UGP2: variants seen among roughly 807,000 people sequenced by gnomAD.
UGP2 encodes UDP-glucose pyrophosphorylase 2, also known as UTP--glucose-1-phosphate uridylyltransferase.
A neutral mutation model predicts 49.0 loss-of-function variants in UGP2; 40 were observed. That is an observed-to-expected ratio of 0.82 (90% CI 0.63 to 1.06). UGP2 has a LOEUF of 1.06. UGP2 is among the 50% of genes least tolerant of loss of function. UGP2 has a pLI of 0.00. For synonymous variants in UGP2, 225 were observed against 213.0 expected, an observed-to-expected ratio of 1.06 and a Z score of -0.49; for missense variants, 460 against 603.5, an observed-to-expected ratio of 0.76 and a Z score of 2.49.
chr2:63,845,939 C>CT, intron 1 of UGP2: 1 of 152,230 alleles, frequency 6.6e-6, no homozygotes, highest in East Asian at 1.9e-4. Context: ...CAGGAGAGTT[C>CT]TTAGTATATA....
intron 6 of UGP2, 32 bp from the exon 7 acceptor site, chr2:63,886,309 G>T (rs1038191052): frequency 6.2e-7 from 1 of 1,603,806 alleles, no homozygotes; most frequent in Non-Finnish European, 8.5e-7. Context: ...TGAGACTGAT[G>T]TGGAGGCACT....
At chr2:63,869,486 G>A (rs1259033506) in intron 3 of UGP2, among the ~76,000 whole-genome samples, 1 of 152,132 alleles carries the variant, frequency 6.6e-6, no homozygotes, top group Non-Finnish European at 1.5e-5. Flanking sequence ...TTTATTTGTA[G>A]TAATTGGTCA....
intron 3 of UGP2, among the ~76,000 whole-genome samples, chr2:63,873,391 G>A (rs1283701419): frequency 6.6e-6 from 1 of 152,088 alleles, no homozygotes; most frequent in African/African-American, 2.4e-5. Flanking sequence ...ATTTTCACTG[G>A]GAAATGAATG....
At chr2:63,874,544 T>C (rs889038573) in intron 3 of UGP2, among the ~76,000 whole-genome samples, 7 of 152,154 alleles carry the variant, frequency 4.6e-5, no homozygotes, top group Non-Finnish European at 1.0e-4. Context: ...GAGTATGGTG[T>C]TTCATAGGTC....
In UGP2 at chr2:63,887,589, A is replaced by C. The variant is rs1232536041; in HGVS notation, c.1259A>C (p.Glu420Ala). The change falls in exon 8 of 10, where the codon GAA becomes GCA. Residue 420 changes from glutamate (E) to alanine (A), a missense_variant. Physicochemically the swap from Glu to Ala is moderately radical, Grantham distance 107. Around this residue, in one of 2 missense-constraint regions of UGP2, gnomAD observed 317 missense variants for 473.0 expected, o/e 0.67. Transcript: ENST00000337130. ...AATGCAGGATCTCTGACAATGAGTGAAAAGCGGGAATTTCCTACAGTGCCC... is the reference window on the plus strand; with the variant it reads ...AATGCAGGATCTCTGACAATGAGTGCAAAGCGGGAATTTCCTACAGTGCCC... Reference protein sequence around the residue: ...SLNAGSLTMSEKREFPTVPLV... With the variant: ...SLNAGSLTMSAKREFPTVPLV... 2 of 1,614,182 alleles carry C rather than the reference A, an allele frequency of 1.2e-6. No homozygotes were observed. Among genetic ancestry groups the C allele is most frequent in the Non-Finnish European group, 1.7e-6 (2 of 1,180,012 alleles).
At chr2:63,852,066 C>A (rs1319101977) in intron 1 of UGP2, among the ~76,000 whole-genome samples, 2 of 152,196 alleles carry the variant, frequency 1.3e-5, no homozygotes, top group African/African-American at 4.8e-5. Flanking sequence ...AATCATATTA[C>A]ATTTTATGCT....
chr2:63,842,613 G>A, intron 1 of UGP2: 2 of 1,448,108 alleles, frequency 1.4e-6, no homozygotes, highest in Non-Finnish European at 1.8e-6. Flanking sequence ...GGTTTTGCCG[G>A]GACTGTTGGG....
At chr2:63,865,238 T>C (rs530839134) in intron 3 of UGP2, among the ~76,000 whole-genome samples, 1 of 152,304 alleles carries the variant, frequency 6.6e-6, no homozygotes, top group South Asian at 2.1e-4. Context: ...TTCCCAAATT[T>C]TCCCGTAGAA....
chr2:63,885,294 C>T (rs12713498), intron 5 of UGP2, among the ~76,000 whole-genome samples: 110,265 of 151,898 alleles, frequency 0.73, 40,652 homozygotes, highest in East Asian at 0.91. Flanking sequence ...TTACTTGATA[C>T]ATCCCTTCTT....
intron 9 of UGP2, 91 bp downstream of exon 9, chr2:63,890,276 C>G: frequency 1.1e-6 from 1 of 930,304 alleles, no homozygotes; most frequent in South Asian, 1.8e-5. Context: ...TTAAGGAATA[C>G]TTGTTAGTCT....
At chr2:63,858,888 G>GC (rs571118040) in intron 3 of UGP2, among the ~76,000 whole-genome samples, 18 of 40,866 alleles carry the variant, frequency 4.4e-4, no homozygotes, top group South Asian at 7.2e-4. Context: ...ACACCCCCCC[G>GC]CCCCCCCGAA....
At chr2:63,885,545 C>T (rs1671616678) in intron 5 of UGP2, 44 bp from the exon 6 acceptor site, 3 of 1,435,838 alleles carry the variant, frequency 2.1e-6, no homozygotes, top group Non-Finnish European at 2.8e-6. Flanking sequence ...GCCTGAAATG[C>T]TCTACAGGGT....
Position 63,891,191 on chromosome 2 carries a change from GA to G in UGP2, c.1492del (p.Ile498LeufsTer20). 1.9e-6 allele frequency: 3 copies of G among 1,613,812 alleles called. No individual in the cohort carries two copies. The highest frequency in any genetic ancestry group is 2.5e-6 in the Non-Finnish European group (3 of 1,179,856). On this transcript the variant is annotated frameshift_variant, in exon 10 of 10. Transcript: ENST00000337130. LOFTEE classifies it high-confidence loss of function. ...IPPGAVLENK[I>X]VSGNLRILDH ...CACCTGGAGCAGTATTAGAGAACAA[GA>G]TTGTGTCTGGAAACCTTCGCATCTT...
intron 3 of UGP2, among the ~76,000 whole-genome samples, chr2:63,858,363 T>A (rs1381209229): frequency 1.3e-5 from 2 of 152,242 alleles, no homozygotes; most frequent in Non-Finnish European, 2.9e-5. Context: ...ACTCATTAAT[T>A]TATATACTAT....
intron 3 of UGP2, among the ~76,000 whole-genome samples, chr2:63,881,923 A>G (rs1671343844): frequency 6.6e-6 from 1 of 152,244 alleles, no homozygotes; most frequent in South Asian, 2.1e-4. Context: ...TTTGACAAAA[A>G]GTCTATGCTA....
intron 3 of UGP2, among the ~76,000 whole-genome samples, chr2:63,867,735 A>C (rs1487064078): frequency 6.6e-6 from 1 of 152,204 alleles, no homozygotes; most frequent in Non-Finnish European, 1.5e-5. Context: ...TGAATAATTT[A>C]ATACTTTGTT....
At chr2:63,886,010 A>C (rs994028303) in intron 6 of UGP2, 124 bp downstream of exon 6, 2 of 1,116,216 alleles carry the variant, frequency 1.8e-6, no homozygotes, top group Middle Eastern at 2.1e-4. Context: ...TCTGTTTGAC[A>C]TAATAGTATG....
intron 3 of UGP2, among the ~76,000 whole-genome samples, chr2:63,865,343 A>G (rs780013492): frequency 6.6e-6 from 1 of 152,182 alleles, no homozygotes; most frequent in African/African-American, 2.4e-5. Context: ...GAAGGAATCA[A>G]TAACACAGGC....
At chr2:63,890,705 G>GACTT (rs1672068476) in intron 9 of UGP2, among the ~76,000 whole-genome samples, 2 of 152,130 alleles carry the variant, frequency 1.3e-5, no homozygotes, top group Admixed American at 1.3e-4. Flanking sequence ...ACTGCCTAAA[G>GACTT]ACTTAAGACA....
Sources: allele counts gnomAD v4.1 joint callset (sites outside exome capture counted in the v4.1 genomes callset), GRCh38; gene constraint gnomAD v4.1.1; regional missense constraint gnomAD v4.1.1; transcripts MANE v1.5; gene names NCBI Gene and HGNC (gene_info 2026-07-23, HGNC 2026-07-21).